Variants in POU2F1 observed in about 807,000 individuals in gnomAD.
POU2F1 encodes the protein POU class 2 homeobox 1, also known as POU domain, class 2, transcription factor 1.
POU2F1 carries 16 observed loss-of-function variants against 84.9 expected under a neutral mutation model. That is an observed-to-expected ratio of 0.19 (90% CI 0.13 to 0.29). POU2F1 has a LOEUF of 0.29. POU2F1 is among the 10% of genes least tolerant of loss of function. POU2F1 has a pLI of 1.00. For synonymous variants in POU2F1, 368 were observed against 368.3 expected, an observed-to-expected ratio of 1.00 and a Z score of 0.01; for missense variants, 738 against 942.6, an observed-to-expected ratio of 0.78 and a Z score of 2.84.
chr1:167,341,531 C>T (rs559213908), intron 2 of POU2F1, among the ~76,000 whole-genome samples: 1 of 152,210 alleles, frequency 6.6e-6, no homozygotes, highest in South Asian at 2.1e-4. Context: ...GGACATGCGA[C>T]AGGGAGTGGC....
At chr1:167,347,616 C>CA (rs1658285405) in intron 2 of POU2F1, among the ~76,000 whole-genome samples, 1 of 152,122 alleles carries the variant, frequency 6.6e-6, no homozygotes, top group African/African-American at 2.4e-5. Context: ...GTGCAGCTAC[C>CA]AATCTATCCA....
chr1:167,281,694 C>T (rs1265381598), intron 1 of POU2F1, among the ~76,000 whole-genome samples: 1 of 152,186 alleles, frequency 6.6e-6, no homozygotes, highest in African/African-American at 2.4e-5. Context: ...TCTGGTTACA[C>T]CTCCACTTGT....
intron 2 of POU2F1, among the ~76,000 whole-genome samples, chr1:167,342,052 G>A (rs1187254085): frequency 6.6e-6 from 1 of 152,044 alleles, no homozygotes; most frequent in African/African-American, 2.4e-5. Flanking sequence ...GTCTTCTGGA[G>A]CCTGGGGTCT....
intron 8 of POU2F1, among the ~76,000 whole-genome samples, chr1:167,385,251 T>A (rs188355282): frequency 1.3e-5 from 2 of 152,170 alleles, no homozygotes; most frequent in African/African-American, 2.4e-5. Context: ...TGTTAAAATG[T>A]CAGTTTTTCC....
At chr1:167,413,638 G>A (rs182737473) in intron 15 of POU2F1, among the ~76,000 whole-genome samples, 32 of 152,278 alleles carry the variant, frequency 2.1e-4, no homozygotes, top group Non-Finnish European at 4.0e-4. Flanking sequence ...ATCGCCGTTA[G>A]TGTAGAACAT....
chr1:167,358,872 G>A (rs1041669713), intron 2 of POU2F1, among the ~76,000 whole-genome samples: 5 of 151,092 alleles, frequency 3.3e-5, no homozygotes, highest in African/African-American at 1.2e-4. Flanking sequence ...TTTTTGATAG[G>A]CCTTTTTGTT....
chr1:167,322,965 A>C (rs1166155930), intron 1 of POU2F1, among the ~76,000 whole-genome samples: 1 of 151,958 alleles, frequency 6.6e-6, no homozygotes, highest in Non-Finnish European at 1.5e-5. Flanking sequence ...TAAACCAACA[A>C]CCTTCAGCAT....
At chr1:167,380,111 C>T (rs1326961525) in intron 7 of POU2F1, 1 of 152,186 alleles carries the variant, frequency 6.6e-6, no homozygotes, top group Non-Finnish European at 1.5e-5. Flanking sequence ...TCAGGAAGGT[C>T]ATTATAATGT....
In POU2F1 at chr1:167,419,923, T is replaced by C. The variant is rs952070472; in HGVS notation, c.*4113T>C. On this transcript the variant is annotated 3_prime_UTR_variant, in exon 16 of 16. Coordinates refer to ENST00000367866, the MANE Select transcript of POU2F1 (RefSeq NM_002697.4). Reference sequence around the variant, plus strand: ...ATTCTTAGTGAGATCATCTTGCCAATTTGTTGTACATCTCTCATTCATTGT... The same window carrying C: ...ATTCTTAGTGAGATCATCTTGCCAACTTGTTGTACATCTCTCATTCATTGT... The C allele has an allele frequency of 1.5e-4, 23 of 152,208 alleles. No individual in the cohort carries two copies. The highest frequency in any genetic ancestry group is 5.5e-4 in the African/African-American group (23 of 41,456). 9.4% of individuals were successfully genotyped at this position (152,208 alleles called of 1,614,324 possible). A position where few individuals can be genotyped will look rare whatever the true frequency, so the allele number is the denominator to read the frequency against.
At chr1:167,393,011 T>C (rs970796926) in intron 9 of POU2F1, among the ~76,000 whole-genome samples, 3 of 152,242 alleles carry the variant, frequency 2.0e-5, no homozygotes, top group Non-Finnish European at 4.4e-5. Flanking sequence ...CATAATTGCT[T>C]ATTAAAGGAT....
chr1:167,376,582 A>G (rs912423284), intron 7 of POU2F1: 2 of 153,068 alleles, frequency 1.3e-5, no homozygotes, highest in African/African-American at 4.8e-5. Context: ...AGAAACTACA[A>G]ATTTCGTGAG....
At chr1:167,372,549 T>C (rs1274420412) in intron 5 of POU2F1, among the ~76,000 whole-genome samples, 1 of 152,236 alleles carries the variant, frequency 6.6e-6, no homozygotes. Flanking sequence ...CCTGTTTTCC[T>C]TCTGTTAAAT....
chr1:167,229,859 G>C lies in POU2F1; in HGVS notation c.61+8901G>C, dbSNP rs897217555. On this transcript the variant is annotated intron_variant, in intron 1 of 15. Transcript: ENST00000367866. ...TCTTCTGAAAACTTTATACAGTGGA[G>C]GTGTTGCATTGTAGCAAATACAACT... 2.0e-5 allele frequency among the ~76,000 whole-genome samples: 3 copies of C among 152,098 alleles called. 1 individual carries two copies. In the South Asian group the frequency reaches 6.2e-4, roughly 32 times the overall value.
intron 2 of POU2F1, among the ~76,000 whole-genome samples, chr1:167,336,632 C>T (rs919220551): frequency 7.3e-5 from 11 of 151,690 alleles, no homozygotes; most frequent in African/African-American, 2.7e-4. Context: ...AGTGTAAGGA[C>T]GATTATTTAA....
At chr1:167,265,492 C>A (rs925841658) in intron 1 of POU2F1, among the ~76,000 whole-genome samples, 4 of 152,114 alleles carry the variant, frequency 2.6e-5, no homozygotes, top group Non-Finnish European at 5.9e-5. Flanking sequence ...AGATGGCTGC[C>A]AAATTCACTA....
At chr1:167,346,688 A>G (rs1658226242) in intron 2 of POU2F1, among the ~76,000 whole-genome samples, 1 of 152,244 alleles carries the variant, frequency 6.6e-6, no homozygotes, top group African/African-American at 2.4e-5. Context: ...GGCAGCGCTC[A>G]GGCAATAACG....
At chr1:167,274,802 C>T (rs1384877324) in intron 1 of POU2F1, among the ~76,000 whole-genome samples, 2 of 152,046 alleles carry the variant, frequency 1.3e-5, no homozygotes, top group Non-Finnish European at 2.9e-5. Context: ...CTTGTAAATC[C>T]AGTTCTTGCG....
chr1:167,233,717 G>A (rs112950666), intron 1 of POU2F1, among the ~76,000 whole-genome samples: 5 of 152,336 alleles, frequency 3.3e-5, no homozygotes, highest in African/African-American at 1.2e-4. Flanking sequence ...CAAAAGTTCA[G>A]CATAGCTGGT....
chr1:167,411,149 C>T (rs1649937863), intron 13 of POU2F1, among the ~76,000 whole-genome samples: 1 of 151,958 alleles, frequency 6.6e-6, no homozygotes, highest in Non-Finnish European at 1.5e-5. Flanking sequence ...AAGCGATTCT[C>T]CTGCCTTAGC....
Sources: gnomAD v4.1 joint callset for allele counts (sites outside exome capture counted in the v4.1 genomes callset) on GRCh38, gnomAD v4.1.1 for gene constraint, MANE v1.5 for transcripts, NCBI Gene and HGNC (gene_info 2026-07-23, HGNC 2026-07-21) for gene names.